ATG10: variants seen among roughly 807,000 people sequenced by gnomAD.
ATG10 encodes the protein autophagy related 10.
In ATG10, 30 loss-of-function variants were observed where a neutral mutation model predicts 32.1. The observed-to-expected ratio is 0.94, with a 90% CI of 0.70 to 1.27. ATG10 has a LOEUF of 1.27. ATG10 is among the 50% of genes most tolerant of loss of function. The pLI is 0.00. For synonymous variants in ATG10, 87 were observed against 91.5 expected (o/e 0.95, Z 0.28); for missense variants, 233 against 262.3 (o/e 0.89, Z 0.77).
At chr5:82,037,244 T>C (rs1195327821) in intron 2 of ATG10, among the ~76,000 whole-genome samples, 1 of 58,056 alleles carries the variant, frequency 1.7e-5, no homozygotes, top group Non-Finnish European at 3.4e-5. Flanking sequence ...CTTTTTTTTT[T>C]TTTTTTTTTT....
At chr5:82,044,653 C>T (rs976091987) in intron 2 of ATG10, among the ~76,000 whole-genome samples, 1 of 152,014 alleles carries the variant, frequency 6.6e-6, no homozygotes, top group Non-Finnish European at 1.5e-5. Context: ...TCCTGAACAG[C>T]GTTTAGACTA....
At chr5:81,975,297 C>G (rs1379564333) in intron 1 of ATG10, among the ~76,000 whole-genome samples, 1 of 152,082 alleles carries the variant, frequency 6.6e-6, no homozygotes, top group Non-Finnish European at 1.5e-5. Flanking sequence ...AATTTGATTA[C>G]TTTGAGAAGA....
At chr5:82,105,712 A>G (rs1002591142) in intron 3 of ATG10, among the ~76,000 whole-genome samples, 2 of 152,004 alleles carry the variant, frequency 1.3e-5, no homozygotes, top group Non-Finnish European at 2.9e-5. Context: ...CCATTGTCCT[A>G]TGGCACCCAC....
At chr5:82,231,382 G>A (rs1032128587) in intron 5 of ATG10, among the ~76,000 whole-genome samples, 1 of 152,136 alleles carries the variant, frequency 6.6e-6, no homozygotes, top group Non-Finnish European at 1.5e-5. Flanking sequence ...AAAATAAGAA[G>A]TTGTCATTCT....
intron 2 of ATG10, among the ~76,000 whole-genome samples, chr5:82,014,606 T>A (rs1385839732): frequency 1.3e-5 from 2 of 152,212 alleles, no homozygotes; most frequent in African/African-American, 4.8e-5. Flanking sequence ...TCTCTTTTGA[T>A]CTTTGTTGGT....
chr5:82,182,953 C>T (rs900814925), intron 5 of ATG10, among the ~76,000 whole-genome samples: 2 of 151,960 alleles, frequency 1.3e-5, no homozygotes, highest in Non-Finnish European at 2.9e-5. Flanking sequence ...CTATGTTCCC[C>T]AGGCTGCTCT....
chr5:82,018,049 G>T lies in ATG10; in HGVS notation c.108+30371G>T, dbSNP rs1762335800. Among the ~76,000 whole-genome samples, 3 of 151,984 alleles carry T rather than the reference G, an allele frequency of 2.0e-5. No homozygotes were observed. In the South Asian group the frequency reaches 6.2e-4, roughly 32 times the overall value. On this transcript the variant is annotated intron_variant, in intron 2 of 7. Coordinates refer to ENST00000282185, the MANE Select transcript of ATG10 (RefSeq NM_031482.5). ...AATTACTCCTAAATGTATATCCTCT[G>T]CCCAGATGTCTCTCCCTTAAGGCCA...
At chr5:82,212,054 A>G (rs958813802) in intron 5 of ATG10, among the ~76,000 whole-genome samples, 14 of 152,326 alleles carry the variant, frequency 9.2e-5, no homozygotes, top group African/African-American at 3.4e-4. Context: ...CTGCCAAGTC[A>G]TTCTATTCCC....
intron 2 of ATG10, among the ~76,000 whole-genome samples, chr5:82,048,505 A>G (rs1763295133): frequency 6.6e-6 from 1 of 152,216 alleles, no homozygotes; most frequent in African/African-American, 2.4e-5. Context: ...CTTCAGGTCT[A>G]AAACACCAAA....
chr5:81,991,173 T>C (rs1761443361), intron 2 of ATG10, among the ~76,000 whole-genome samples: 1 of 152,236 alleles, frequency 6.6e-6, no homozygotes, highest in Non-Finnish European at 1.5e-5. Flanking sequence ...TCCTGTGCCA[T>C]TTTTCTAAAG....
intron 3 of ATG10, among the ~76,000 whole-genome samples, chr5:82,083,514 G>A (rs1764558932): frequency 6.6e-6 from 1 of 152,202 alleles, no homozygotes; most frequent in Non-Finnish European, 1.5e-5. Context: ...TGAGATCTGA[G>A]AACGGACAGA....
intron 3 of ATG10, among the ~76,000 whole-genome samples, chr5:82,155,167 G>C (rs145248140): frequency 6.6e-6 from 1 of 152,194 alleles, no homozygotes; most frequent in African/African-American, 2.4e-5. Context: ...AATTAGGGTA[G>C]TGCTATCTCT....
intron 6 of ATG10, 87 bp from the exon 7 acceptor site, chr5:82,253,224 GTTA>G (rs1461980697): frequency 1.2e-6 from 1 of 847,694 alleles, no homozygotes; most frequent in Non-Finnish European, 2.0e-6. Flanking sequence ...CCTCACTTTT[GTTA>G]TTGTTGGTGA....
At chr5:82,076,852 A>C (rs1764290220) in intron 3 of ATG10, among the ~76,000 whole-genome samples, 1 of 152,178 alleles carries the variant, frequency 6.6e-6, no homozygotes, top group South Asian at 2.1e-4. Context: ...AGATACAGGT[A>C]CATTCTGGTT....
In ATG10 at chr5:82,016,884, G is replaced by T. The variant is rs559065407; in HGVS notation, c.108+29206G>T. On this transcript the variant is annotated intron_variant, in intron 2 of 7. Coordinates refer to ENST00000282185, the MANE Select transcript of ATG10 (RefSeq NM_031482.5). Reference sequence around the variant, plus strand: ...TTTGTATTTTTTTAGTAGAGACAGGGTTTCACCGTGTTAGCCAGGATGGTC... The same window carrying T: ...TTTGTATTTTTTTAGTAGAGACAGGTTTTCACCGTGTTAGCCAGGATGGTC... Among the ~76,000 whole-genome samples, 16 of 151,996 alleles carry T rather than the reference G, an allele frequency of 1.1e-4. No homozygotes were observed. In the South Asian group the frequency reaches 3.3e-3, roughly 32 times the overall value.
chr5:81,978,462 A>C (rs1239936628), intron 1 of ATG10, among the ~76,000 whole-genome samples: 1 of 152,134 alleles, frequency 6.6e-6, no homozygotes, highest in East Asian at 1.9e-4. Flanking sequence ...TGCTGACTAG[A>C]GTTTGTTGTA....
chr5:82,190,568 C>G (rs1227092695), intron 5 of ATG10, among the ~76,000 whole-genome samples: 1 of 151,554 alleles, frequency 6.6e-6, no homozygotes, highest in East Asian at 1.9e-4. Flanking sequence ...GTCAAGAGAT[C>G]GAGACCATCC....
At chr5:82,006,942 C>T (rs754447713) in intron 2 of ATG10, among the ~76,000 whole-genome samples, 1 of 152,100 alleles carries the variant, frequency 6.6e-6, no homozygotes, top group Non-Finnish European at 1.5e-5. Context: ...CAACCTCTGC[C>T]TCCTAGGTTC....
At chr5:82,065,877 T>C (rs1042358320) in intron 3 of ATG10, among the ~76,000 whole-genome samples, 10 of 152,138 alleles carry the variant, frequency 6.6e-5, no homozygotes, top group Admixed American at 2.0e-4. Context: ...GATATATTAT[T>C]GCAAAATAGC....
Sources: allele counts gnomAD v4.1 joint callset (sites outside exome capture counted in the v4.1 genomes callset), GRCh38; gene constraint gnomAD v4.1.1; transcripts MANE v1.5; gene names NCBI Gene and HGNC (gene_info 2026-07-23, HGNC 2026-07-21).